Variants in AGBL4 observed in about 807,000 individuals in gnomAD.
The protein encoded by AGBL4 is cytosolic carboxypeptidase 6.
In AGBL4, 58 loss-of-function variants were observed where a neutral mutation model predicts 66.4. That is an observed-to-expected ratio of 0.87 (90% CI 0.71 to 1.09). The LOEUF is 1.09. Ranked by LOEUF, AGBL4 falls within the 50% of genes least tolerant of loss-of-function variation. The pLI is 0.00. For synonymous variants in AGBL4, 234 were observed against 222.9 expected (o/e 1.05, Z -0.44); for missense variants, 579 against 631.0 (o/e 0.92, Z 0.88).
chr1:48,792,415 T>G (rs948353912), intron 6 of AGBL4, among the ~76,000 whole-genome samples: 1 of 152,148 alleles, frequency 6.6e-6, no homozygotes, highest in African/African-American at 2.4e-5. Flanking sequence ...ACCAATAGAA[T>G]TGGGAGATAT....
intron 5 of AGBL4, among the ~76,000 whole-genome samples, chr1:48,964,278 G>A (rs997157886): frequency 3.3e-5 from 5 of 152,186 alleles, no homozygotes; most frequent in East Asian, 3.9e-4. Flanking sequence ...AGGCCCACTC[G>A]TGTGCCTGAT....
At chr1:48,624,785 A>G (rs1645471952) in intron 9 of AGBL4, among the ~76,000 whole-genome samples, 1 of 152,212 alleles carries the variant, frequency 6.6e-6, no homozygotes, top group African/African-American at 2.4e-5. Flanking sequence ...TGGGTTCTAA[A>G]GAGTACGGAG....
intron 11 of AGBL4, among the ~76,000 whole-genome samples, chr1:48,572,694 G>C (rs1001201677): frequency 1.3e-5 from 2 of 152,008 alleles, no homozygotes; most frequent in African/African-American, 4.8e-5. Flanking sequence ...CTGAAGGGGG[G>C]GTGCGTCTCC....
intron 4 of AGBL4, among the ~76,000 whole-genome samples, chr1:49,210,488 T>C (rs1254191536): frequency 2.0e-5 from 3 of 152,070 alleles, no homozygotes; most frequent in Admixed American, 2.0e-4. Flanking sequence ...AGCAGCACAA[T>C]ATGAACACTG....
intron 3 of AGBL4, among the ~76,000 whole-genome samples, chr1:49,494,422 C>G (rs530752528): frequency 1.8e-4 from 27 of 152,062 alleles, no homozygotes; most frequent in African/African-American, 6.5e-4. Context: ...CTATCCCTCC[C>G]CTCTCCCCGC....
intron 3 of AGBL4, among the ~76,000 whole-genome samples, chr1:49,680,132 C>A (rs1298316407): frequency 7.0e-6 from 1 of 143,480 alleles, no homozygotes; most frequent in African/African-American, 2.6e-5. Context: ...CTCACTGTAA[C>A]CTCTGCCTCC....
intron 3 of AGBL4, among the ~76,000 whole-genome samples, chr1:49,481,395 T>C (rs1169878880): frequency 6.6e-6 from 1 of 152,028 alleles, no homozygotes; most frequent in Admixed American, 6.5e-5. Context: ...GCAGTTGTGA[T>C]TGGAAGTTCA....
intron 10 of AGBL4, among the ~76,000 whole-genome samples, chr1:48,588,253 T>C (rs1447229814): frequency 6.6e-6 from 1 of 152,200 alleles, no homozygotes; most frequent in Non-Finnish European, 1.5e-5. Context: ...CACTAGAGCA[T>C]AGGGATCATG....
intron 2 of AGBL4, among the ~76,000 whole-genome samples, chr1:49,730,762 G>A (rs976792540): frequency 3.9e-5 from 6 of 152,184 alleles, no homozygotes; most frequent in African/African-American, 1.4e-4. Flanking sequence ...AGTGAGGAGA[G>A]CAAACCCGGT....
At chr1:49,053,413 T>C (rs1424727809) in intron 4 of AGBL4, among the ~76,000 whole-genome samples, 1 of 152,114 alleles carries the variant, frequency 6.6e-6, no homozygotes, top group Non-Finnish European at 1.5e-5. Context: ...CAAATGGTGG[T>C]GTGAGAAGTA....
intron 2 of AGBL4, among the ~76,000 whole-genome samples, chr1:49,750,548 T>G (rs988452096): frequency 2.0e-5 from 3 of 152,182 alleles, no homozygotes; most frequent in Non-Finnish European, 2.9e-5. Context: ...ATTGTTCTAT[T>G]TTCTTAGTAT....
chr1:49,194,561 T>C (rs1473702783), intron 4 of AGBL4, among the ~76,000 whole-genome samples: 2 of 152,240 alleles, frequency 1.3e-5, no homozygotes, highest in South Asian at 2.1e-4. Context: ...ATATTGTTAA[T>C]TGTTATCTAA....
At chr1:49,332,956 T>A (rs1409812976) in intron 3 of AGBL4, among the ~76,000 whole-genome samples, 1 of 152,214 alleles carries the variant, frequency 6.6e-6, no homozygotes, top group African/African-American at 2.4e-5. Flanking sequence ...ATGATCGCCA[T>A]ACTAACTGGC....
At chr1:49,648,383 A>C (rs914299435) in intron 3 of AGBL4, among the ~76,000 whole-genome samples, 1 of 151,968 alleles carries the variant, frequency 6.6e-6, no homozygotes, top group African/African-American at 2.4e-5. Context: ...ATACGACTAC[A>C]AAATGTGCAA....
intron 3 of AGBL4, among the ~76,000 whole-genome samples, chr1:49,602,386 C>T (rs989981466): frequency 2.0e-5 from 3 of 152,120 alleles, no homozygotes; most frequent in Non-Finnish European, 4.4e-5. Flanking sequence ...TATAAAGATA[C>T]ATGCACACAT....
chr1:49,868,826 C>A (rs969953618), intron 1 of AGBL4, among the ~76,000 whole-genome samples: 4 of 152,146 alleles, frequency 2.6e-5, no homozygotes, highest in South Asian at 4.1e-4. Context: ...AGACAACCTA[C>A]AGAATGGGAG....
chr1:49,811,624 T>G (rs1645104815), intron 2 of AGBL4, among the ~76,000 whole-genome samples: 1 of 152,138 alleles, frequency 6.6e-6, no homozygotes, highest in African/African-American at 2.4e-5. Context: ...CACCATATTA[T>G]TAAAAATTTT....
At chr1:49,592,289 G>A (rs547722352) in intron 3 of AGBL4, among the ~76,000 whole-genome samples, 3 of 152,224 alleles carry the variant, frequency 2.0e-5, no homozygotes, top group African/African-American at 7.2e-5. Flanking sequence ...AACATGAACA[G>A]GCTGGGCTCA....
chr1:49,822,110 T>C (rs756780067), intron 2 of AGBL4, among the ~76,000 whole-genome samples: 5 of 152,076 alleles, frequency 3.3e-5, no homozygotes, highest in Non-Finnish European at 7.4e-5. Flanking sequence ...AATGAGAAAA[T>C]TCTGTGTAAT....
Sources: gnomAD v4.1 joint callset for allele counts (sites outside exome capture counted in the v4.1 genomes callset) on GRCh38, gnomAD v4.1.1 for gene constraint, MANE v1.5 for transcripts, NCBI Gene and HGNC (gene_info 2026-07-23, HGNC 2026-07-21) for gene names.